CLSTN2: variants seen among roughly 807,000 people sequenced by gnomAD.
CLSTN2 encodes calsyntenin 2, also known as calsyntenin-2.
A neutral mutation model predicts 101.2 loss-of-function variants in CLSTN2; 48 were observed. The ratio of observed to expected loss-of-function variants is 0.47; its 90% CI spans 0.38 to 0.60. CLSTN2 has a LOEUF of 0.60. Among genes scored for constraint, CLSTN2 ranks in the 20% least tolerant of loss-of-function variants. The pLI, the probability that CLSTN2 is intolerant of heterozygous loss-of-function variation, is 0.00. For synonymous variants in CLSTN2, 481 were observed against 463.6 expected, an observed-to-expected ratio of 1.04 and a Z score of -0.48; for missense variants, 1,160 against 1,238.2, an observed-to-expected ratio of 0.94 and a Z score of 0.95.
chr3:140,490,232 G>A (rs540724815), intron 8 of CLSTN2, among the ~76,000 whole-genome samples: 5 of 148,080 alleles, frequency 3.4e-5, no homozygotes, highest in Admixed American at 6.8e-5. Context: ...AATCCACACC[G>A]GTCATTTCTC....
At chr3:140,256,346 A>G (rs2107879491) in intron 2 of CLSTN2, among the ~76,000 whole-genome samples, 1 of 152,316 alleles carries the variant, frequency 6.6e-6, no homozygotes, top group African/African-American at 2.4e-5. Flanking sequence ...TTCATTCATG[A>G]TCAAACTAGT....
chr3:140,243,248 G>T (rs1430975736), intron 2 of CLSTN2, among the ~76,000 whole-genome samples: 1 of 152,164 alleles, frequency 6.6e-6, no homozygotes, highest in Non-Finnish European at 1.5e-5. Context: ...AATAGACTTT[G>T]GTCTTCCCTT....
At chr3:140,501,139 C>G (rs184330901) in intron 8 of CLSTN2, among the ~76,000 whole-genome samples, 2 of 152,136 alleles carry the variant, frequency 1.3e-5, no homozygotes, top group Admixed American at 6.5e-5. Context: ...CAGTCACTCT[C>G]GCTCCCTCCA....
chr3:140,311,744 G>A (rs371231785), intron 2 of CLSTN2, among the ~76,000 whole-genome samples: 11 of 152,114 alleles, frequency 7.2e-5, no homozygotes, highest in African/African-American at 2.2e-4. Flanking sequence ...AGTGAGACAC[G>A]AGACATGGGG....
chr3:140,201,024 C>T (rs2010711604), intron 2 of CLSTN2, among the ~76,000 whole-genome samples: 1 of 152,192 alleles, frequency 6.6e-6, no homozygotes, highest in Non-Finnish European at 1.5e-5. Context: ...AATCCTAGCA[C>T]AGAACAGAAC....
intron 1 of CLSTN2, among the ~76,000 whole-genome samples, chr3:140,018,066 G>T (rs1185052105): frequency 2.6e-5 from 4 of 152,198 alleles, no homozygotes; most frequent in Admixed American, 6.5e-5. Flanking sequence ...TTGAGTCTGA[G>T]AAATGGAACA....
intron 1 of CLSTN2, among the ~76,000 whole-genome samples, chr3:140,055,731 G>C (rs2008084433): frequency 6.6e-6 from 1 of 152,144 alleles, no homozygotes; most frequent in Admixed American, 6.5e-5. Flanking sequence ...CTCTGGTTTA[G>C]CACTAATCTT....
chr3:140,081,920 T>C (rs985928966), intron 1 of CLSTN2, among the ~76,000 whole-genome samples: 15 of 152,208 alleles, frequency 9.9e-5, no homozygotes, highest in African/African-American at 3.6e-4. Context: ...AACTCAGCTG[T>C]AACTACCTAT....
At chr3:140,364,160 AGGAGT>A (rs1196462260) in intron 2 of CLSTN2, among the ~76,000 whole-genome samples, 1 of 152,098 alleles carries the variant, frequency 6.6e-6, no homozygotes, top group African/African-American at 2.4e-5. Context: ...GTCACTTCCA[AGGAGT>A]GGACACAGTT....
intron 2 of CLSTN2, among the ~76,000 whole-genome samples, chr3:140,296,497 G>T (rs1420588562): frequency 2.0e-5 from 3 of 152,168 alleles, no homozygotes; most frequent in African/African-American, 7.2e-5. Flanking sequence ...GTAAGGCAGA[G>T]CAACTTTTCA....
rs575863365 is a variant in CLSTN2 at position 140,212,583 on chromosome 3, CT to C, written c.232+36511del. Among the ~76,000 whole-genome samples the C allele has an allele frequency of 2.1e-3, 313 of 152,280 alleles. 1 individual carries two copies. The highest frequency in any genetic ancestry group is 7.3e-3 in the African/African-American group (303 of 41,560). On this transcript the variant is annotated intron_variant, in intron 2 of 16. Coordinates refer to ENST00000458420, the MANE Select transcript of CLSTN2 (RefSeq NM_022131.3). ...TGCTTATAATCCTTCAATGGCTCCCCTCTGCTTTTAGGCTAAAGTCTAAAGT... is the reference window on the plus strand; with the variant it reads ...TGCTTATAATCCTTCAATGGCTCCCCCTGCTTTTAGGCTAAAGTCTAAAGT...
chr3:140,229,272 C>T (rs1329356980), intron 2 of CLSTN2, among the ~76,000 whole-genome samples: 1 of 152,180 alleles, frequency 6.6e-6, no homozygotes, highest in Non-Finnish European at 1.5e-5. Flanking sequence ...AAAATGTATA[C>T]ATAAGGCATT....
At chr3:140,180,760 G>T (rs1445391365) in intron 2 of CLSTN2, among the ~76,000 whole-genome samples, 2 of 152,212 alleles carry the variant, frequency 1.3e-5, no homozygotes, top group Non-Finnish European at 2.9e-5. Flanking sequence ...CTCAAGCTGG[G>T]TGACTCTCTG....
intron 1 of CLSTN2, among the ~76,000 whole-genome samples, chr3:140,126,905 G>A (rs970564327): frequency 5.3e-5 from 8 of 152,146 alleles, no homozygotes; most frequent in East Asian, 1.9e-4. Context: ...GTAACCCATC[G>A]TGGGGTGGGT....
chr3:140,507,610 C>T (rs6793607), intron 8 of CLSTN2: 34,185 of 152,008 alleles, frequency 0.22, 4,086 homozygotes, highest in East Asian at 0.4. Flanking sequence ...CATTCATCCT[C>T]GTCCTTTCCT....
intron 2 of CLSTN2, among the ~76,000 whole-genome samples, chr3:140,305,389 T>G (rs2087102839): frequency 6.6e-6 from 1 of 152,176 alleles, no homozygotes. Context: ...CGAAACACCT[T>G]AAGTTGCTGT....
intron 7 of CLSTN2, among the ~76,000 whole-genome samples, chr3:140,465,851 C>T (rs544993606): frequency 1.3e-5 from 2 of 152,296 alleles, no homozygotes; most frequent in Non-Finnish European, 2.9e-5. Flanking sequence ...CATTATGGAA[C>T]ACGCGCCTCC....
At position 140,238,419 on chromosome 3, in the gene CLSTN2, GA is replaced by G. The variant is rs10553314; in HGVS notation, c.232+62356del. Among the ~76,000 whole-genome samples, 238 of 152,098 alleles carry G rather than the reference GA, an allele frequency of 1.6e-3. 2 individuals are homozygous for G. The highest frequency in any genetic ancestry group is 5.5e-3 in the African/African-American group (226 of 41,460). On this transcript the variant is annotated intron_variant, in intron 2 of 16. Coordinates refer to ENST00000458420, the MANE Select transcript of CLSTN2 (RefSeq NM_022131.3). ...TTTAGGAACATTCCTGCACAGAACA[GA>G]AAAAAAAAATCTATACTTTCCAGAA...
At chr3:140,475,247 A>G (rs138586820) in intron 8 of CLSTN2, among the ~76,000 whole-genome samples, 1 of 152,336 alleles carries the variant, frequency 6.6e-6, no homozygotes, top group Non-Finnish European at 1.5e-5. Context: ...AATAAAGGGA[A>G]GGAAGGGAAG....
Sources: allele counts gnomAD v4.1 joint callset (sites outside exome capture counted in the v4.1 genomes callset), GRCh38; gene constraint gnomAD v4.1.1; transcripts MANE v1.5; gene names NCBI Gene and HGNC (gene_info 2026-07-23, HGNC 2026-07-21).